The following MGAT4C variants were observed in gnomAD, a reference collection of about 807,000 sequenced individuals.
MGAT4C encodes MGAT4 family member C.
In MGAT4C, 19 loss-of-function variants were observed where a neutral mutation model predicts 40.1. The ratio of observed to expected loss-of-function variants is 0.47; its 90% confidence interval spans 0.33 to 0.70. The LOEUF (loss-of-function observed/expected upper bound fraction) is 0.70, where lower values mean the gene tolerates loss of function less well. Ranked by LOEUF, MGAT4C falls within the 30% of genes least tolerant of loss-of-function variation. The pLI is 0.02. For missense variants in MGAT4C, 491 were observed against 563.2 expected (o/e 0.87, Z 1.30); for synonymous variants, 181 against 187.1 (o/e 0.97, Z 0.27).
chr12:86,226,969 C>T (rs987415081), intron 1 of MGAT4C, among the ~76,000 whole-genome samples: 1 of 151,932 alleles, frequency 6.6e-6, no homozygotes, highest in African/African-American at 2.4e-5. Context: ...ATATTTATCA[C>T]TTCACTTTGT....
Position 86,106,234 on chromosome 12 carries a change from T to A in MGAT4C, c.-56-56511A>T, listed in dbSNP as rs145013077. Among the ~76,000 whole-genome samples the A allele has an allele frequency of 1.4e-4, 22 of 152,262 alleles. 1 individual carries two copies. The East Asian group carries it at 4.0e-3, about 28-fold the overall frequency. ...GCCATCTGATTTGGTGTTTGATATA[T>A]TTCTCTTCTCTTTTTTTCATTGAAA... On this transcript the variant is annotated intron_variant, in intron 1 of 4. Transcript: ENST00000611864.
intron 1 of MGAT4C, among the ~76,000 whole-genome samples, chr12:86,815,789 A>G (rs751163486): frequency 7.8e-4 from 118 of 150,332 alleles, no homozygotes; most frequent in Non-Finnish European, 1.6e-3. Flanking sequence ...GTTCTCACTG[A>G]CATGTGAAAG....
At chr12:86,150,117 TAAG>T (rs1296206957) in intron 1 of MGAT4C, among the ~76,000 whole-genome samples, 1 of 152,152 alleles carries the variant, frequency 6.6e-6, no homozygotes, top group Non-Finnish European at 1.5e-5. Context: ...TAGATTCTCA[TAAG>T]AAGTACACAA....
chr12:86,590,846 A>G (rs1199933091), intron 2 of MGAT4C, among the ~76,000 whole-genome samples: 1 of 152,040 alleles, frequency 6.6e-6, no homozygotes, highest in Non-Finnish European at 1.5e-5. Context: ...CTTTCAAATT[A>G]CAATAGTTTA....
chr12:86,645,341 T>C (rs1411193468), intron 2 of MGAT4C, among the ~76,000 whole-genome samples: 1 of 151,720 alleles, frequency 6.6e-6, no homozygotes, highest in African/African-American at 2.4e-5. Context: ...ATGTATTACA[T>C]ATATGAATTT....
intron 2 of MGAT4C, among the ~76,000 whole-genome samples, chr12:86,502,049 C>T (rs1281434629): frequency 2.0e-5 from 3 of 151,928 alleles, no homozygotes; most frequent in African/African-American, 4.8e-5. Flanking sequence ...TCATGATAGA[C>T]ACCATTAAAA....
At chr12:86,746,652 C>G (rs1054292632) in intron 1 of MGAT4C, among the ~76,000 whole-genome samples, 2 of 151,576 alleles carry the variant, frequency 1.3e-5, no homozygotes, top group African/African-American at 4.8e-5. Context: ...TAATCATTTT[C>G]TCTTACAATA....
intron 3 of MGAT4C, among the ~76,000 whole-genome samples, chr12:86,401,701 C>A (rs922147567): frequency 6.6e-6 from 1 of 152,056 alleles, no homozygotes; most frequent in African/African-American, 2.4e-5. Context: ...TAGCTTCCAG[C>A]ACATTATAAC....
At chr12:86,371,607 C>A (rs1045551162) in intron 3 of MGAT4C, among the ~76,000 whole-genome samples, 1 of 152,064 alleles carries the variant, frequency 6.6e-6, no homozygotes, top group African/African-American at 2.4e-5. Flanking sequence ...TAAAGCCTCC[C>A]TCCCTATCCC....
intron 2 of MGAT4C, among the ~76,000 whole-genome samples, chr12:86,024,293 ATT>A (rs139748543): frequency 6.6e-6 from 1 of 150,566 alleles, no homozygotes; most frequent in South Asian, 2.1e-4. Context: ...CAATTAATAC[ATT>A]TTTTTTTCTA....
At chr12:86,662,805 T>A (rs1252836603) in intron 2 of MGAT4C, among the ~76,000 whole-genome samples, 1 of 152,180 alleles carries the variant, frequency 6.6e-6, no homozygotes, top group African/African-American at 2.4e-5. Flanking sequence ...ATTTGATCAC[T>A]AGTAAGGTTT....
At chr12:86,517,298 A>C (rs149292898) in intron 2 of MGAT4C, among the ~76,000 whole-genome samples, 2 of 152,346 alleles carry the variant, frequency 1.3e-5, no homozygotes, top group Admixed American at 6.5e-5. Context: ...ATTATATCTC[A>C]ATAAAAATGA....
At chr12:86,331,900 A>G (rs1465884124) in intron 4 of MGAT4C, among the ~76,000 whole-genome samples, 1 of 152,180 alleles carries the variant, frequency 6.6e-6, no homozygotes, top group East Asian at 1.9e-4. Flanking sequence ...AAACATAAAA[A>G]ACACAAAAGG....
chr12:86,573,700 T>C (rs1161767899), intron 2 of MGAT4C, among the ~76,000 whole-genome samples: 2 of 151,986 alleles, frequency 1.3e-5, no homozygotes, highest in Non-Finnish European at 2.9e-5. Context: ...AGAAGCAATA[T>C]CTGTTTTAAT....
intron 3 of MGAT4C, among the ~76,000 whole-genome samples, chr12:86,348,307 A>C (rs1161400548): frequency 6.6e-6 from 1 of 152,098 alleles, no homozygotes; most frequent in African/African-American, 2.4e-5. Flanking sequence ...CTTCATTTTA[A>C]AAAATAGAAT....
At chr12:86,166,772 G>C (rs1886242361) in intron 1 of MGAT4C, among the ~76,000 whole-genome samples, 1 of 152,044 alleles carries the variant, frequency 6.6e-6, no homozygotes, top group Non-Finnish European at 1.5e-5. Context: ...CCTTCTATAA[G>C]TATCACTGCA....
In MGAT4C at chr12:86,364,001, A is replaced by AC. The variant is rs1566325155; in HGVS notation, c.-119-29875_-119-29874insG. Among the ~76,000 whole-genome samples the AC allele has an allele frequency of 2.6e-5, 4 of 151,158 alleles. No individual in the cohort carries two copies. The East Asian group carries it at 7.8e-4, about 30-fold the overall frequency. On this transcript the variant is annotated intron_variant, in intron 3 of 7. Transcript: ENST00000548651. The stretch of plus-strand genomic sequence containing the variant: ...ACACACACACACACACAGAGACACA[A>AC]ACACACACATACAAAATAGATATCT...
intron 2 of MGAT4C, among the ~76,000 whole-genome samples, chr12:86,548,345 CAATAG>C (rs2136393237): frequency 6.6e-6 from 1 of 152,126 alleles, no homozygotes; most frequent in African/African-American, 2.4e-5. Context: ...AAGATGTCCA[CAATAG>C]AATAATCTCT....
At chr12:86,148,978 T>G (rs1343193916) in intron 1 of MGAT4C, among the ~76,000 whole-genome samples, 2 of 152,110 alleles carry the variant, frequency 1.3e-5, no homozygotes, top group East Asian at 3.9e-4. Flanking sequence ...GAAAAGAAAA[T>G]AAAAGTTTAG....
Sources: allele counts gnomAD v4.1 joint callset (sites outside exome capture counted in the v4.1 genomes callset), GRCh38; gene constraint gnomAD v4.1.1; transcripts MANE v1.5; gene names NCBI Gene and HGNC (gene_info 2026-07-23, HGNC 2026-07-21).